The following ENTREP2 variants were observed in gnomAD, a reference collection of about 807,000 sequenced individuals.
ENTREP2 encodes the protein endosomal transmembrane epsin interactor 2.
the ENTREP2 span, chr15:29,268,722 C>T: frequency 6.7e-7 from 1 of 1,488,856 alleles, no homozygotes; most frequent in East Asian, 2.3e-5. Flanking sequence ...GTTCTCCCTT[C>T]CCCCAATCCT....
chr15:29,307,455 T>A, the ENTREP2 span, among the ~76,000 whole-genome samples: 1 of 152,240 alleles, frequency 6.6e-6, no homozygotes, highest in African/African-American at 2.4e-5. Flanking sequence ...CATTGGTGTT[T>A]ACTATCCAAC....
At chr15:29,632,952 G>T in the ENTREP2 span, among the ~76,000 whole-genome samples, 1 of 152,246 alleles carries the variant, frequency 6.6e-6, no homozygotes, top group East Asian at 1.9e-4. Context: ...TCTCCACTGT[G>T]AGACAAGTTG....
chr15:29,556,045 G>A, the ENTREP2 span, among the ~76,000 whole-genome samples: 1 of 152,178 alleles, frequency 6.6e-6, no homozygotes, highest in Non-Finnish European at 1.5e-5. Context: ...CTTGAGCCCA[G>A]GAGTTTGAGA....
At chr15:29,252,538 A>G in the ENTREP2 span, 3 of 897,070 alleles carry the variant, frequency 3.3e-6, no homozygotes, top group African/African-American at 1.6e-5. Context: ...AGGAAAAATG[A>G]CATGGCTTTA....
the ENTREP2 span, among the ~76,000 whole-genome samples, chr15:29,298,946 T>C: frequency 6.6e-6 from 1 of 151,946 alleles, no homozygotes; most frequent in South Asian, 2.1e-4. Flanking sequence ...TGAACATAAA[T>C]GCAAAGATCC....
At chr15:29,360,858 C>A in the ENTREP2 span, among the ~76,000 whole-genome samples, 1 of 152,194 alleles carries the variant, frequency 6.6e-6, no homozygotes, top group South Asian at 2.1e-4. Flanking sequence ...AGAAGCTATT[C>A]CCTGGACAGG....
the ENTREP2 span, among the ~76,000 whole-genome samples, chr15:29,129,789 T>C: frequency 6.6e-6 from 1 of 152,194 alleles, no homozygotes; most frequent in African/African-American, 2.4e-5. Flanking sequence ...TCAGAGGGCA[T>C]CAGGGCCTCC....
chr15:29,135,784 G>C, the ENTREP2 span, among the ~76,000 whole-genome samples: 1 of 152,238 alleles, frequency 6.6e-6, no homozygotes, highest in Admixed American at 6.5e-5. This position sits in a 1 kb window ranked among gnomAD's most constrained non-coding sequence, Gnocchi z 7.4. Flanking sequence ...CCTGGCAACT[G>C]AGGCACTTCC....
the ENTREP2 span, among the ~76,000 whole-genome samples, chr15:29,477,289 G>A: frequency 2.6e-5 from 4 of 152,150 alleles, no homozygotes; most frequent in Non-Finnish European, 5.9e-5. Flanking sequence ...GGACCTTGAG[G>A]TGCAACTGAT....
chr15:29,424,226 C>T, the ENTREP2 span, among the ~76,000 whole-genome samples: 1 of 152,160 alleles, frequency 6.6e-6, no homozygotes, highest in East Asian at 1.9e-4. Flanking sequence ...AATACAAAAC[C>T]TCTGCACTAC....
the ENTREP2 span, chr15:29,252,435 T>C: frequency 6.4e-7 from 1 of 1,551,240 alleles, no homozygotes; most frequent in Non-Finnish European, 8.7e-7. Flanking sequence ...ACCAGCCAAA[T>C]TCAGCATTAC....
At chr15:29,447,383 C>G in the ENTREP2 span, among the ~76,000 whole-genome samples, 1 of 152,234 alleles carries the variant, frequency 6.6e-6, no homozygotes, top group Non-Finnish European at 1.5e-5. Flanking sequence ...CTCTGCATAG[C>G]ACAGTCTTCG....
the ENTREP2 span, among the ~76,000 whole-genome samples, chr15:29,143,647 G>A: frequency 1.2e-4 from 19 of 152,204 alleles, no homozygotes; most frequent in African/African-American, 3.4e-4. Flanking sequence ...AAGGGTGGCC[G>A]AAGGGCTTAC....
chr15:29,462,469 G>C, the ENTREP2 span, among the ~76,000 whole-genome samples: 1 of 152,026 alleles, frequency 6.6e-6, no homozygotes, highest in Non-Finnish European at 1.5e-5. Flanking sequence ...AATTAGCCAG[G>C]TGTGGTGGGC....
At chr15:29,591,337 C>T in the ENTREP2 span, among the ~76,000 whole-genome samples, 7 of 152,310 alleles carry the variant, frequency 4.6e-5, no homozygotes, top group African/African-American at 1.4e-4. Context: ...ACACACAGCT[C>T]GGGCTTCTCG....
At chr15:29,376,411 G>A in the ENTREP2 span, 5 of 151,792 alleles carry the variant, frequency 3.3e-5, no homozygotes, top group African/African-American at 4.8e-5. Flanking sequence ...TTTAATGTAA[G>A]GAAGACAATG....
chr15:29,236,141 C>G, the ENTREP2 span, among the ~76,000 whole-genome samples: 1 of 151,988 alleles, frequency 6.6e-6, no homozygotes, highest in Admixed American at 6.6e-5. Flanking sequence ...AAGAAAAATG[C>G]TAGAAAACAA....
chr15:29,134,020 C>T, the ENTREP2 span, among the ~76,000 whole-genome samples: 3 of 152,120 alleles, frequency 2.0e-5, no homozygotes, highest in Non-Finnish European at 4.4e-5. Flanking sequence ...CTGATGCCCA[C>T]CCAGCCTGAC....
At chr15:29,382,585 T>C in the ENTREP2 span, among the ~76,000 whole-genome samples, 46,354 of 152,012 alleles carry the variant, frequency 0.3, 7,815 homozygotes, top group African/African-American at 0.45. Flanking sequence ...GCCCTTGACC[T>C]TGCCTGGGGT....
Sources: gnomAD v4.1 joint callset for allele counts (sites outside exome capture counted in the v4.1 genomes callset) on GRCh38, gnomAD v4.1.1 for gene constraint, Gnocchi (gnomAD v3.1) non-coding constraint, MANE v1.5 for transcripts, NCBI Gene and HGNC (gene_info 2026-07-23, HGNC 2026-07-21) for gene names.